The following MEOX2 variants were observed in gnomAD, a reference collection of about 807,000 sequenced individuals.
MEOX2 encodes the protein homeobox protein MOX-2.
Under a neutral mutation model 27.0 loss-of-function variants are expected in MEOX2, and 11 were observed. That is an observed-to-expected ratio of 0.41 (90% confidence interval 0.26 to 0.68). The LOEUF (loss-of-function observed/expected upper bound fraction) is 0.68. MEOX2 is among the 30% of genes least tolerant of loss of function. The probability of loss-of-function intolerance (pLI) is 0.33; values close to 1 mark genes in which losing one functional copy is unlikely to be tolerated. For missense variants in MEOX2, 436 were observed against 385.4 expected (o/e 1.13, Z -1.10); for synonymous variants, 189 against 155.4 (o/e 1.22, Z -1.61).
In MEOX2 at chr7:15,663,952, T is replaced by C. The variant is rs138908231; in HGVS notation, c.517+21934A>G. Among the ~76,000 whole-genome samples the C allele has an allele frequency of 4.8e-3, 730 of 152,272 alleles. 4 individuals carry two copies. The highest frequency in any genetic ancestry group is 0.016 in the African/African-American group (667 of 41,552). On this transcript the variant is annotated intron_variant, in intron 1 of 2. Coordinates refer to ENST00000262041, the MANE Select transcript of MEOX2 (RefSeq NM_005924.5). ...AGATAGATATAGATAGACAGACAGA[T>C]AGATGATAGATAACTGATTTGAGAA...
Position 15,651,198 on chromosome 7 carries a change from T to A in MEOX2, c.518-24280A>T, listed in dbSNP as rs532060198. On this transcript the variant is annotated intron_variant, in intron 1 of 2. Transcript: ENST00000262041. ...AATAGGTTTGAATGTCTAACTTTGG[T>A]ATGTATAAATGAAATGTGATATACT... Among the ~76,000 whole-genome samples the A allele has an allele frequency of 2.3e-3, 357 of 152,104 alleles. 1 individual carries two copies. The highest frequency in any genetic ancestry group is 4.0e-3 in the Non-Finnish European group (275 of 67,940).
intron 1 of MEOX2, among the ~76,000 whole-genome samples, chr7:15,657,071 C>T (rs1295350381): frequency 6.6e-6 from 1 of 152,012 alleles, no homozygotes; most frequent in Non-Finnish European, 1.5e-5. Flanking sequence ...TGAAAAATTG[C>T]TCTTCATTGG....
intron 1 of MEOX2, among the ~76,000 whole-genome samples, chr7:15,649,254 A>G (rs1429441972): frequency 2.0e-5 from 3 of 152,134 alleles, no homozygotes; most frequent in Non-Finnish European, 4.4e-5. Context: ...TATTGTTTTA[A>G]TAACTAGGAA....
intron 1 of MEOX2, chr7:15,676,043 T>C (rs1180735202): frequency 6.6e-6 from 1 of 152,196 alleles, no homozygotes; most frequent in African/African-American, 2.4e-5. Flanking sequence ...CTCGCATATA[T>C]GATCATTTAA....
chr7:15,674,129 A>G (rs1782155111), intron 1 of MEOX2, among the ~76,000 whole-genome samples: 1 of 152,172 alleles, frequency 6.6e-6, no homozygotes. Flanking sequence ...ATTGATTGAC[A>G]TTAGCCGGTC....
intron 1 of MEOX2, chr7:15,668,237 C>G (rs1276102169): frequency 6.6e-6 from 1 of 152,262 alleles, no homozygotes; most frequent in Non-Finnish European, 1.5e-5. Flanking sequence ...TCAGCCTGCT[C>G]AACCTGACGG....
chr7:15,686,057 C>A lies in MEOX2; in HGVS notation c.346G>T (p.Gly116Trp), dbSNP rs770045601. ...GGGCTGCTCCCCAACTCTGGGGGCC[C>A]TCCAGAGTCGGGCTGGAGGCAGAGG... ...HSLCLQPDSG[G>W]PPELGSSPPV... Residue 116 changes from glycine to tryptophan, a missense_variant, in exon 1 of 3, where the codon GGG becomes TGG. Gly to Trp is a radical substitution (Grantham distance 184). Transcript: ENST00000262041. The A allele has an allele frequency of 2.5e-6, 4 of 1,601,584 alleles. No individual in the cohort carries two copies. The highest frequency in any genetic ancestry group is 1.7e-6 in the Non-Finnish European group (2 of 1,176,650).
At chr7:15,655,762 A>G (rs1781809582) in intron 1 of MEOX2, among the ~76,000 whole-genome samples, 1 of 151,784 alleles carries the variant, frequency 6.6e-6, no homozygotes, top group African/African-American at 2.4e-5. Flanking sequence ...GATTTGTTTT[A>G]TAGTTCAGGT....
chr7:15,635,229 C>T (rs1176944050), intron 1 of MEOX2, among the ~76,000 whole-genome samples: 2 of 151,926 alleles, frequency 1.3e-5, no homozygotes, highest in Non-Finnish European at 2.9e-5. Context: ...GTTCCTAGGC[C>T]TAAGTGTCAT....
chr7:15,648,410 G>A (rs1286190899), intron 1 of MEOX2, among the ~76,000 whole-genome samples: 1 of 152,156 alleles, frequency 6.6e-6, no homozygotes, highest in East Asian at 1.9e-4. Context: ...AAAAGAAAGC[G>A]TAAATTACAT....
chr7:15,612,262 A>T lies in MEOX2; in HGVS notation c.*125T>A. On this transcript the variant is annotated 3_prime_UTR_variant, in exon 3 of 3. Coordinates refer to ENST00000262041, the MANE Select transcript of MEOX2 (RefSeq NM_005924.5). ...CTATAAATCATGAAAAACAGATTCG[A>T]AATGCCTGGATTTAATAATATTAAA... 1 of 783,938 alleles carries T rather than the reference A, an allele frequency of 1.3e-6. No individual in the cohort carries two copies. The highest frequency in any genetic ancestry group is 2.1e-6 in the Non-Finnish European group (1 of 483,890). 48.6% of individuals were successfully genotyped at this position (783,938 alleles called of 1,614,324 possible).
chr7:15,615,769 C>A (rs892250226), intron 2 of MEOX2, among the ~76,000 whole-genome samples: 2 of 151,904 alleles, frequency 1.3e-5, no homozygotes, highest in Non-Finnish European at 2.9e-5. Context: ...ATGGACAATT[C>A]CAGATGGAAG....
intron 1 of MEOX2, chr7:15,680,376 G>A (rs1011421806): frequency 6.6e-6 from 1 of 151,826 alleles, no homozygotes; most frequent in East Asian, 1.9e-4. Context: ...AGAGAAATGG[G>A]CATCAGATTT....
intron 1 of MEOX2, among the ~76,000 whole-genome samples, chr7:15,628,693 G>T (rs1021271895): frequency 6.6e-6 from 1 of 152,082 alleles, no homozygotes; most frequent in Non-Finnish European, 1.5e-5. Context: ...TGTTTACATG[G>T]TGCCAACTTA....
At chr7:15,683,139 T>A (rs551108444) in intron 1 of MEOX2, among the ~76,000 whole-genome samples, 1 of 152,104 alleles carries the variant, frequency 6.6e-6, no homozygotes, top group African/African-American at 2.4e-5. Flanking sequence ...TGAATAAAAT[T>A]GTAAGGTTTA....
chr7:15,686,328 G>A lies in MEOX2; in HGVS notation c.75C>T (p.Ser25=). Residue 25 remains serine (S), a synonymous_variant, in exon 1 of 3, where the codon TCC becomes TCT. Coordinates refer to ENST00000262041, the MANE Select transcript of MEOX2 (RefSeq NM_005924.5). The stretch of plus-strand genomic sequence containing the variant: ...CAGATCTTCCATGGAGGGCGAGAGA[G>A]GATTGGGAGAACGGGTGCAAGCCTT... The part of the protein sequence containing the change: ...TAQGLHPFSQ[S]SLALHGRSDH... 1 of 1,605,026 alleles carries A rather than the reference G, an allele frequency of 6.2e-7. No individual in the cohort carries two copies. Among genetic ancestry groups the A allele is most frequent in the Non-Finnish European group, 8.5e-7 (1 of 1,175,380 alleles).
Position 15,618,178 on chromosome 7 carries a change from G to T in MEOX2, c.691-5567C>A, listed in dbSNP as rs368910342. On this transcript the variant is annotated intron_variant, in intron 2 of 2. Transcript: ENST00000262041. ...TACCTGGTAAAATTCAACTCGAATG[G>T]CTTCTTTCACCATATTTACAGTAAA... is the stretch of plus-strand genomic sequence containing the variant. Among the ~76,000 whole-genome samples the T allele has an allele frequency of 1.6e-4, 25 of 151,982 alleles. 1 individual carries two copies. The highest frequency in any genetic ancestry group is 6.0e-4 in the African/African-American group (25 of 41,488).
intron 1 of MEOX2, among the ~76,000 whole-genome samples, chr7:15,672,269 T>G (rs762516176): frequency 2.9e-4 from 44 of 152,218 alleles, no homozygotes; most frequent in Non-Finnish European, 6.0e-4. Context: ...TTTAATGTTT[T>G]GTCTCTATTA....
At chr7:15,663,918 A>C (rs1174206602) in intron 1 of MEOX2, among the ~76,000 whole-genome samples, 2 of 152,214 alleles carry the variant, frequency 1.3e-5, no homozygotes, top group African/African-American at 4.8e-5. Context: ...TATCTGTTTG[A>C]AAATGTATAG....
Sources: gnomAD v4.1 joint callset for allele counts (sites outside exome capture counted in the v4.1 genomes callset) on GRCh38, gnomAD v4.1.1 for gene constraint, MANE v1.5 for transcripts, NCBI Gene and HGNC (gene_info 2026-07-23, HGNC 2026-07-21) for gene names.